The following NKD1 variants were observed in gnomAD, a reference collection of about 807,000 sequenced individuals.
NKD1 encodes NKD inhibitor of Wnt signaling pathway 1.
A neutral mutation model predicts 56.0 loss-of-function variants in NKD1; 21 were observed. The observed-to-expected ratio is 0.38, with a 90% CI of 0.27 to 0.54. The LOEUF (loss-of-function observed/expected upper bound fraction) is 0.54. Among genes scored for constraint, NKD1 ranks in the 20% least tolerant of loss-of-function variants. The pLI, the probability that NKD1 is intolerant of heterozygous loss-of-function variation, is 0.82. For synonymous variants in NKD1, 263 were observed against 265.7 expected, an observed-to-expected ratio of 0.99 and a Z score of 0.10; for missense variants, 578 against 642.7, an observed-to-expected ratio of 0.90 and a Z score of 1.09.
chr16:50,591,203 C>T (rs1001887876), intron 3 of NKD1, among the ~76,000 whole-genome samples: 6 of 152,106 alleles, frequency 3.9e-5, no homozygotes, highest in African/African-American at 1.4e-4. Flanking sequence ...TGGGGTCCTT[C>T]CTGGTGTTCC....
At chr16:50,617,783 C>T (rs1261792236) in intron 4 of NKD1, among the ~76,000 whole-genome samples, 1 of 152,216 alleles carries the variant, frequency 6.6e-6, no homozygotes, top group Non-Finnish European at 1.5e-5. Flanking sequence ...TTGTGTACTG[C>T]ACAAGGATTT....
Position 50,637,792 on chromosome 16 carries a change from A to G in NKD1, c.*4011A>G, listed in dbSNP as rs1331084634. The G allele has an allele frequency of 6.6e-6, 1 of 152,048 alleles. No individual in the cohort carries two copies. Among genetic ancestry groups the G allele is most frequent in the Non-Finnish European group, 1.5e-5 (1 of 68,062 alleles). The allele number at this position is 152,048 out of a possible 1,614,324, so 9.4% of individuals were successfully genotyped here. ...CCAGAGGAGCAGTTGCCACTGCCCC[A>G]TCCCCTGAGCTCTGAGCGTGGGGGT... On this transcript the variant is annotated 3_prime_UTR_variant, in exon 10 of 10. Coordinates refer to ENST00000268459, the MANE Select transcript of NKD1 (RefSeq NM_033119.5).
At chr16:50,561,687 A>G (rs1162612952) in intron 3 of NKD1, among the ~76,000 whole-genome samples, 1 of 152,218 alleles carries the variant, frequency 6.6e-6, no homozygotes, top group Non-Finnish European at 1.5e-5. Context: ...AGAGTATAGA[A>G]GCAAAAACGG....
At chr16:50,601,795 T>C (rs923239130) in intron 3 of NKD1, among the ~76,000 whole-genome samples, 3 of 152,148 alleles carry the variant, frequency 2.0e-5, no homozygotes, top group African/African-American at 4.8e-5. Flanking sequence ...GGCTGAGGAC[T>C]CTGCCCTATA....
chr16:50,614,895 C>T (rs747272555), intron 4 of NKD1, among the ~76,000 whole-genome samples: 5 of 152,176 alleles, frequency 3.3e-5, no homozygotes, highest in South Asian at 2.1e-4. Context: ...GGAAAGGGCC[C>T]GTGTAGGTGA....
intron 2 of NKD1, 60 bp from the exon 3 acceptor site, chr16:50,549,362 C>G (rs927911934): frequency 1.3e-6 from 2 of 1,579,314 alleles, no homozygotes; most frequent in Non-Finnish European, 1.7e-6. Flanking sequence ...CTTCCCTCCG[C>G]GGGGGTAACT....
intron 3 of NKD1, 32 bp downstream of exon 3, chr16:50,549,587 G>A: frequency 2.0e-6 from 3 of 1,533,380 alleles, no homozygotes; most frequent in Non-Finnish European, 2.6e-6. Flanking sequence ...CCACCTCCTG[G>A]CCTCCTTTCA....
rs941907699 is a variant in NKD1 at position 50,646,569 on chromosome 16, G to C, written c.*12788G>C. The C allele has an allele frequency of 6.6e-6, 1 of 152,286 alleles. No individual in the cohort carries two copies. The highest frequency in any genetic ancestry group is 1.5e-5 in the Non-Finnish European group (1 of 68,072). The allele number at this position is 152,286 out of a possible 1,614,324, so 9.4% of individuals were successfully genotyped here. On this transcript the variant is annotated 3_prime_UTR_variant, in exon 10 of 10. Coordinates refer to ENST00000268459, the MANE Select transcript of NKD1 (RefSeq NM_033119.5). ...ACCCAGGCTGTGGGTCAGCCCTGCA[G>C]GGTTGAGCTGCCTGGCTGTGGCTCA...
rs371049646 is a variant in NKD1, at chr16:50,621,640, G to A, written c.298G>A (p.Gly100Arg). The change falls in exon 5 of 10, where the codon GGA (glycine) becomes AGA (arginine). Residue 100 changes from glycine (G) to arginine (R), a missense_variant. Gly to Arg is a moderately radical substitution (Grantham distance 125). Coordinates refer to ENST00000268459, the MANE Select transcript of NKD1 (RefSeq NM_033119.5). ...PPEKTDGLGS[G>R]DEKKMERVSE... ...TGAGAAGACTGACGGGCTGGGCAGC[G>A]GAGATGAGAAGAAGATGGAGAGAGT... 1.9e-5 allele frequency: 30 copies of A among 1,613,896 alleles called. No individual in the cohort carries two copies. Among genetic ancestry groups the A allele is most frequent in the South Asian group, 5.5e-5 (5 of 91,032 alleles).
intron 3 of NKD1, among the ~76,000 whole-genome samples, chr16:50,595,389 C>T (rs1961451210): frequency 6.6e-6 from 1 of 152,152 alleles, no homozygotes; most frequent in Non-Finnish European, 1.5e-5. Context: ...TCTAGGGGGA[C>T]ATTCTCAGAG....
chr16:50,607,284 T>C, intron 3 of NKD1: 2 of 237,278 alleles, frequency 8.4e-6, no homozygotes, highest in Non-Finnish European at 1.7e-5. Context: ...TACAAAGCCG[T>C]GTTTTTTCTT....
chr16:50,626,925 TCTC>T (rs1017679863), intron 6 of NKD1, among the ~76,000 whole-genome samples: 7 of 152,130 alleles, frequency 4.6e-5, no homozygotes, highest in African/African-American at 1.4e-4. Context: ...TGCTGACTGG[TCTC>T]CTCATCCTGG....
At chr16:50,585,523 G>A (rs1051043430) in intron 3 of NKD1, among the ~76,000 whole-genome samples, 3 of 152,234 alleles carry the variant, frequency 2.0e-5, no homozygotes, top group Admixed American at 6.5e-5. Context: ...CGTGGGGCCC[G>A]GATGCCGGGA....
rs1485197171 is a variant in NKD1, at chr16:50,632,074, T to C, written c.696-207T>C. ...GCTGCGGGGAGGTCGGGCTGTGGGC[T>C]GTGGTCTATGGTCTGTCTCTCCATC... On this transcript the variant is annotated intron_variant, in intron 8 of 9. Transcript: ENST00000268459. This position sits in a 1 kb window ranked among gnomAD's most constrained non-coding sequence, Gnocchi z 4.1. Among the ~76,000 whole-genome samples, 1 of 152,192 alleles carries C rather than the reference T, an allele frequency of 6.6e-6. No individual in the cohort carries two copies. Among genetic ancestry groups the C allele is most frequent in the East Asian group, 1.9e-4 (1 of 5,182 alleles).
chr16:50,554,157 A>G (rs1390658980), intron 3 of NKD1, among the ~76,000 whole-genome samples: 2 of 152,158 alleles, frequency 1.3e-5, no homozygotes, highest in Non-Finnish European at 2.9e-5. Context: ...TCTGTTCTCT[A>G]GAGCCCAAGA....
intron 3 of NKD1, among the ~76,000 whole-genome samples, chr16:50,586,439 A>G (rs1961231901): frequency 6.6e-6 from 1 of 151,916 alleles, no homozygotes; most frequent in African/African-American, 2.4e-5. Context: ...GGGGTCATTT[A>G]GCTCTGCTTA....
In NKD1 at chr16:50,644,089, G is replaced by A. The variant is rs1007363050; in HGVS notation, c.*10308G>A. The A allele has an allele frequency of 1.3e-5, 2 of 152,250 alleles. No homozygotes were observed. The highest frequency in any genetic ancestry group is 4.8e-5 in the African/African-American group (2 of 41,462). 9.4% of individuals were successfully genotyped at this position (152,250 alleles called of 1,614,324 possible). A position where few individuals can be genotyped will look rare whatever the true frequency, so the allele number is the denominator to read the frequency against. On this transcript the variant is annotated 3_prime_UTR_variant, in exon 10 of 10. Coordinates refer to ENST00000268459, the MANE Select transcript of NKD1 (RefSeq NM_033119.5). ...CGACCTCAGTTGAGAACATGTTGTC[G>A]GGCCACTCAGACTTTTCACTGCTCT...
At chr16:50,593,085 C>T (rs931574347) in intron 3 of NKD1, among the ~76,000 whole-genome samples, 1 of 152,106 alleles carries the variant, frequency 6.6e-6, no homozygotes, top group Non-Finnish European at 1.5e-5. Context: ...CGAGTGGGGC[C>T]GGGAACTGTG....
chr16:50,634,515 T>C lies in NKD1; in HGVS notation c.*734T>C, dbSNP rs12913. 0.6 allele frequency: 91,947 copies of C among 152,236 alleles called. 28,531 individuals are homozygous for C. Among genetic ancestry groups the C allele is most frequent in the Non-Finnish European group, 0.67 (45,538 of 67,992 alleles). 9.4% of individuals were successfully genotyped at this position (152,236 alleles called of 1,614,324 possible). A position where few individuals can be genotyped will look rare whatever the true frequency, so the allele number is the denominator to read the frequency against. On this transcript the variant is annotated 3_prime_UTR_variant, in exon 10 of 10. Transcript: ENST00000268459. ...TTAAGGACTATCCCTGAGACCATCC[T>C]TCTCATTTTGGAAACTGCTAGGGAG...
Sources: gnomAD v4.1 joint callset for allele counts (sites outside exome capture counted in the v4.1 genomes callset) on GRCh38, gnomAD v4.1.1 for gene constraint, Gnocchi (gnomAD v3.1) non-coding constraint, MANE v1.5 for transcripts, NCBI Gene and HGNC (gene_info 2026-07-23, HGNC 2026-07-21) for gene names.